The following LRTM3 variants were observed in gnomAD, a reference collection of about 807,000 sequenced individuals.
LRTM3 encodes leucine rich repeat transmembrane protein 3.
chr13:102,744,016 A>G, the LRTM3 span: 1 of 1,550,120 alleles, frequency 6.5e-7, no homozygotes, highest in Admixed American at 2.0e-5. Context: ...TCGCTGCTGT[A>G]TTGTATAAGA....
the LRTM3 span, chr13:102,744,165 C>T: frequency 1.9e-6 from 3 of 1,550,528 alleles, no homozygotes; most frequent in East Asian, 7.3e-5. Context: ...CTGTGGTTTT[C>T]TGTAGAATAT....
the LRTM3 span, chr13:102,729,675 C>G: frequency 6.5e-7 from 1 of 1,548,906 alleles, no homozygotes; most frequent in Non-Finnish European, 8.7e-7. Context: ...TGTTTTCTTT[C>G]AGAATAGAAG....
At chr13:102,731,588 T>C in the LRTM3 span, 1 of 1,551,458 alleles carries the variant, frequency 6.4e-7, no homozygotes, top group Non-Finnish European at 8.7e-7. Context: ...GGCTTGTATG[T>C]TATCTAGTTT....
At chr13:102,745,339 A>G in the LRTM3 span, 14 of 1,550,632 alleles carry the variant, frequency 9.0e-6, no homozygotes, top group South Asian at 1.1e-4. Context: ...TTACTTGAGT[A>G]GAACTGAGTC....
At chr13:102,743,966 T>C in the LRTM3 span, 3 of 1,550,458 alleles carry the variant, frequency 1.9e-6, no homozygotes, top group Non-Finnish European at 2.6e-6. Flanking sequence ...AATATGACCA[T>C]CCAGATTTTG....
chr13:102,739,887 T>C, the LRTM3 span: 4 of 1,550,306 alleles, frequency 2.6e-6, no homozygotes, highest in Non-Finnish European at 3.5e-6. Flanking sequence ...TCTGTCATGT[T>C]CCACTGCATT....
chr13:102,751,328 ACTCT>A, the LRTM3 span, among the ~76,000 whole-genome samples: 1 of 135,422 alleles, frequency 7.4e-6, no homozygotes, highest in Admixed American at 8.2e-5. Context: ...TAACTGTCTT[ACTCT>A]CTCTCTTTAT....
the LRTM3 span, chr13:102,745,505 C>T: frequency 2.1e-5 from 33 of 1,550,748 alleles, no homozygotes; most frequent in African/African-American, 2.7e-5. Flanking sequence ...TTCTTTTCTA[C>T]GTTTCGGACC....
chr13:102,735,061 G>A, the LRTM3 span: 2 of 1,551,182 alleles, frequency 1.3e-6, no homozygotes, highest in Non-Finnish European at 1.7e-6. Flanking sequence ...TCACATTAAG[G>A]TGAAGTGGGG....
chr13:102,742,747 A>G, the LRTM3 span: 2 of 1,550,568 alleles, frequency 1.3e-6, no homozygotes, highest in African/African-American at 1.4e-5. Context: ...TAAGTCTGCC[A>G]TTCTGTCTTT....
the LRTM3 span, chr13:102,748,077 T>A: frequency 6.4e-7 from 1 of 1,551,192 alleles, no homozygotes; most frequent in South Asian, 1.2e-5. Context: ...GCTGAATGAC[T>A]GAGCCTTATT....
chr13:102,733,276 C>T, the LRTM3 span: 9 of 1,551,198 alleles, frequency 5.8e-6, no homozygotes, highest in Non-Finnish European at 6.1e-6. Flanking sequence ...TGAGTGATCC[C>T]TTTGTCTGTG....
At chr13:102,743,649 C>T in the LRTM3 span, 2 of 1,550,114 alleles carry the variant, frequency 1.3e-6, no homozygotes, top group South Asian at 1.2e-5. Context: ...TTTTCTTGTA[C>T]TTCTTCCTCT....
chr13:102,750,548 GTTC>G, the LRTM3 span, among the ~76,000 whole-genome samples: 1 of 152,074 alleles, frequency 6.6e-6, no homozygotes, highest in Non-Finnish European at 1.5e-5. Context: ...TCATTACCTA[GTTC>G]TTCTCACTTA....
chr13:102,741,338 G>T, the LRTM3 span: 3 of 1,549,410 alleles, frequency 1.9e-6, no homozygotes, highest in Non-Finnish European at 2.6e-6. Flanking sequence ...ACTGAGGAAA[G>T]ATTCAGAATC....
At chr13:102,746,553 CACTG>C in the LRTM3 span, 5 of 1,551,002 alleles carry the variant, frequency 3.2e-6, no homozygotes, top group Middle Eastern at 1.7e-4. Flanking sequence ...TGGCTTGTGA[CACTG>C]ACTGTCTCTG....
At chr13:102,747,944 G>C in the LRTM3 span, 28 of 1,551,116 alleles carry the variant, frequency 1.8e-5, no homozygotes, top group Non-Finnish European at 2.4e-5. Flanking sequence ...TGTCAGCTCT[G>C]AATTTGCCTC....
the LRTM3 span, chr13:102,738,613 AC>A: frequency 6.5e-7 from 1 of 1,549,894 alleles, no homozygotes; most frequent in Non-Finnish European, 8.7e-7. Context: ...CCTTTTTTAC[AC>A]TGTTTGAGAT....
the LRTM3 span, chr13:102,758,992 C>CT: frequency 4.7e-6 from 5 of 1,057,850 alleles, no homozygotes; most frequent in Non-Finnish European, 6.8e-6. Flanking sequence ...TTTCAGAGGC[C>CT]CTGAAATATA....
Sources: gnomAD v4.1 joint callset for allele counts (sites outside exome capture counted in the v4.1 genomes callset) on GRCh38, gnomAD v4.1.1 for gene constraint, MANE v1.5 for transcripts, NCBI Gene and HGNC (gene_info 2026-07-23, HGNC 2026-07-21) for gene names.